Variants in CHMP6 observed in about 807,000 individuals in gnomAD.
CHMP6 encodes the protein chromatin-modifying protein 6.
A neutral mutation model predicts 32.8 loss-of-function variants in CHMP6; 10 were observed. The observed-to-expected ratio is 0.30, with a 90% CI of 0.19 to 0.52. The LOEUF is 0.52. Among genes scored for constraint, CHMP6 ranks in the 20% least tolerant of loss-of-function variants. The pLI is 0.97. For synonymous variants in CHMP6, 123 were observed against 105.8 expected (o/e 1.16, Z -1.00); for missense variants, 269 against 263.8 (o/e 1.02, Z -0.14).
chr17:80,992,463 C>T (rs992648427), intron 1 of CHMP6, among the ~76,000 whole-genome samples: 3 of 152,216 alleles, frequency 2.0e-5, no homozygotes, highest in African/African-American at 7.2e-5. Flanking sequence ...CTGCCGGCTT[C>T]GCGAGGCAGC....
At position 80,999,446 on chromosome 17, in the gene CHMP6, C is replaced by T. The variant is rs1040359594; in HGVS notation, c.*293C>T. The T allele has an allele frequency of 9.3e-5, 40 of 428,412 alleles. No individual in the cohort carries two copies. The highest frequency in any genetic ancestry group is 1.3e-5 in the Non-Finnish European group (3 of 231,052). 26.5% of individuals were successfully genotyped at this position (428,412 alleles called of 1,614,324 possible). A position where few individuals can be genotyped will look rare whatever the true frequency, so the allele number is the denominator to read the frequency against. On this transcript the variant is annotated 3_prime_UTR_variant, in exon 8 of 8. Coordinates refer to ENST00000325167, the MANE Select transcript of CHMP6 (RefSeq NM_024591.5). Reference sequence around the variant, plus strand: ...GGTGGCCGAGGCCCAGGCCCAACGCCTCTGGTGCTGTTCCCCTGCAGTCCC... The same window carrying T: ...GGTGGCCGAGGCCCAGGCCCAACGCTTCTGGTGCTGTTCCCCTGCAGTCCC...
intron 4 of CHMP6, 92 bp downstream of exon 4, chr17:80,995,850 G>A (rs1346741114): frequency 7.7e-6 from 9 of 1,162,652 alleles, no homozygotes; most frequent in South Asian, 2.6e-5. Flanking sequence ...CACGGTGTTC[G>A]TGTCAGACAC....
rs376521447 is a variant in CHMP6, at chr17:80,995,246, C to T, written c.261+140C>T. ...GGGCTGAAGCTGACCTGAAGAGGGG[C>T]GGGCCTGGAATCCCGGGGAGTCTGC... On this transcript the variant is annotated intron_variant, in intron 3 of 7. Transcript: ENST00000325167. 8.7e-4 allele frequency: 693 copies of T among 796,430 alleles called. 8 individuals carry two copies. In the African/African-American group the frequency reaches 0.011, roughly 13 times the overall value. The allele number at this position is 796,430 out of a possible 1,614,324, so 49.3% of individuals were successfully genotyped here.
rs530050854 is a variant in CHMP6, at chr17:80,996,322, GA to G, written c.348+576del. On this transcript the variant is annotated intron_variant, in intron 4 of 7. Transcript: ENST00000325167. ...TGATAAGAGCAAAACTCCGTCTCAG[GA>G]AAAAAAAAAAAGAAGGCTTCCTGGA... Among the ~76,000 whole-genome samples, 239 of 141,918 alleles carry G rather than the reference GA, an allele frequency of 1.7e-3. 2 individuals carry two copies. The highest frequency in any genetic ancestry group is 0.012 in the South Asian group (53 of 4,486). The allele number at this position is 141,918 out of a possible 152,430, so 93.1% of individuals were successfully genotyped here. A position where few individuals can be genotyped will look rare whatever the true frequency, so the allele number is the denominator to read the frequency against.
chr17:80,992,587 C>T (rs935956694), intron 1 of CHMP6, among the ~76,000 whole-genome samples: 8 of 152,194 alleles, frequency 5.3e-5, no homozygotes, highest in Admixed American at 1.3e-4. Context: ...CTGCCGGGGT[C>T]CTGCCGGGCT....
chr17:80,996,984 A>G (rs758436661), intron 4 of CHMP6, 23 bp from the exon 5 acceptor site: 12 of 1,608,628 alleles, frequency 7.5e-6, no homozygotes, highest in Middle Eastern at 1.7e-4. Flanking sequence ...ACAGGGGTCA[A>G]CACCCATCAC....
chr17:80,998,453 G>C (rs1277804756), intron 7 of CHMP6, 33 bp downstream of exon 7: 1 of 1,614,064 alleles, frequency 6.2e-7, no homozygotes, highest in Non-Finnish European at 8.5e-7. Flanking sequence ...TGAATGGTTG[G>C]AATTCGCAGG....
chr17:80,996,615 G>A (rs191255803), intron 4 of CHMP6, among the ~76,000 whole-genome samples: 119 of 152,348 alleles, frequency 7.8e-4, no homozygotes, highest in South Asian at 1.7e-3. Context: ...TGCCCAGAAT[G>A]TTCTACCTGT....
chr17:80,998,640 T>G (rs1598440642), intron 7 of CHMP6: 2 of 1,418,646 alleles, frequency 1.4e-6, no homozygotes, highest in East Asian at 5.2e-5. Context: ...CCATACCCCA[T>G]TCAAAGAGAC....
Position 80,991,855 on chromosome 17 carries a change from G to C in CHMP6, c.-64G>C. 2.3e-6 allele frequency: 3 copies of C among 1,278,548 alleles called. No individual in the cohort carries two copies. The South Asian group carries it at 6.2e-5, about 26-fold the overall frequency. 79.2% of individuals were successfully genotyped at this position (1,278,548 alleles called of 1,614,324 possible). On this transcript the variant is annotated 5_prime_UTR_variant, in exon 1 of 8. Transcript: ENST00000325167. ...GCCGTAGCGGGAGGACCCGAGCTAC[G>C]GTGGCCGCGGGGCGGCGGTGGCGAT...
At position 80,991,868 on chromosome 17, in the gene CHMP6, CGGCGGT is replaced by C; in HGVS notation, c.-46_-41del. On this transcript the variant is annotated 5_prime_UTR_variant, in exon 1 of 8. Coordinates refer to ENST00000325167, the MANE Select transcript of CHMP6 (RefSeq NM_024591.5). ...GACCCGAGCTACGGTGGCCGCGGGG[CGGCGGT>C]GGCGATTGGACTTGGTGGGTCCCGG... The C allele has an allele frequency of 7.5e-7, 1 of 1,326,808 alleles. No individual in the cohort carries two copies. The highest frequency in any genetic ancestry group is 1.8e-5 in the South Asian group (1 of 55,756). The allele number at this position is 1,326,808 out of a possible 1,614,324, so 82.2% of individuals were successfully genotyped here. A position where few individuals can be genotyped will look rare whatever the true frequency, so the allele number is the denominator to read the frequency against.
chr17:80,992,036 G>A (rs2069596613), intron 1 of CHMP6, 55 bp downstream of exon 1: 1 of 1,239,060 alleles, frequency 8.1e-7, no homozygotes, highest in Non-Finnish European at 1.0e-6. Flanking sequence ...ACGGGGCCGG[G>A]GCGGGCGGCG....
Sources: gnomAD v4.1 joint callset for allele counts (sites outside exome capture counted in the v4.1 genomes callset) on GRCh38, gnomAD v4.1.1 for gene constraint, MANE v1.5 for transcripts, NCBI Gene and HGNC (gene_info 2026-07-23, HGNC 2026-07-21) for gene names.